GAS7: variants seen among roughly 807,000 people sequenced by gnomAD.
GAS7 encodes growth arrest-specific protein 7.
Under a neutral mutation model 71.1 loss-of-function variants are expected in GAS7, and 28 were observed. The ratio of observed to expected loss-of-function variants is 0.39; its 90% CI spans 0.29 to 0.54. The LOEUF is 0.54. Ranked by LOEUF, GAS7 falls within the 20% of genes least tolerant of loss-of-function variation. The probability of loss-of-function intolerance (pLI) is 0.62; values close to 1 mark genes in which losing one functional copy is unlikely to be tolerated. For synonymous variants in GAS7, 258 were observed against 245.8 expected (o/e 1.05, Z -0.46); for missense variants, 436 against 627.8 (o/e 0.69, Z 3.27).
intron 2 of GAS7, among the ~76,000 whole-genome samples, chr17:9,989,015 A>AT (rs1366305796): frequency 1.3e-5 from 2 of 151,922 alleles, no homozygotes; most frequent in South Asian, 2.1e-4. Flanking sequence ...CGCCCGGCTA[A>AT]TTTTTTTGTA....
chr17:9,954,344 A>C (rs2069139625), intron 5 of GAS7, among the ~76,000 whole-genome samples: 1 of 152,076 alleles, frequency 6.6e-6, no homozygotes, highest in East Asian at 1.9e-4. Context: ...GGGCCACAGA[A>C]GCACCCTGCA....
intron 1 of GAS7, among the ~76,000 whole-genome samples, chr17:10,021,873 G>C (rs1555524888): frequency 6.6e-6 from 1 of 152,200 alleles, no homozygotes; most frequent in Non-Finnish European, 1.5e-5. Context: ...CATGTTGAGA[G>C]AAAGAGAAGT....
At chr17:10,051,543 CAAAGAG>C (rs1451325880) in intron 1 of GAS7, among the ~76,000 whole-genome samples, 1 of 152,068 alleles carries the variant, frequency 6.6e-6, no homozygotes, top group Non-Finnish European at 1.5e-5. Context: ...AGCCATTAGA[CAAAGAG>C]AAAGCTGAAG....
chr17:9,951,760 CAAAAAAAAAAAAAAA>C (rs59048492), intron 5 of GAS7, among the ~76,000 whole-genome samples: 1 of 69,012 alleles, frequency 1.4e-5, no homozygotes, highest in African/African-American at 4.6e-5. Flanking sequence ...AACTCTGTCT[CAAAAAAAAAAAAAAA>C]AAAAAAAAAA....
In GAS7 at chr17:10,198,199, G is replaced by T. The variant is rs748111697; in HGVS notation, c.183+9C>A. 3 of 1,606,262 alleles carry T rather than the reference G, an allele frequency of 1.9e-6. No individual in the cohort carries two copies. Among genetic ancestry groups the T allele is most frequent in the Non-Finnish European group, 1.7e-6 (2 of 1,178,520 alleles). On this transcript the variant is annotated intron_variant, in intron 1 of 13. Coordinates refer to ENST00000432992, the MANE Select transcript of GAS7 (RefSeq NM_201433.2). ...CCCGGCTCCTACAGCCCCGGCCCTCGCCCCTTACCTCCAGCAACTGCACGT... is the reference window on the plus strand; with the variant it reads ...CCCGGCTCCTACAGCCCCGGCCCTCTCCCCTTACCTCCAGCAACTGCACGT...
intron 1 of GAS7, among the ~76,000 whole-genome samples, chr17:10,168,948 C>T (rs568367347): frequency 7.1e-4 from 100 of 140,448 alleles, no homozygotes; most frequent in African/African-American, 2.6e-3. Flanking sequence ...CCAGCGTGGG[C>T]GACAGAGTGA....
chr17:10,174,057 T>G (rs1371852638), intron 1 of GAS7, among the ~76,000 whole-genome samples: 2 of 152,174 alleles, frequency 1.3e-5, no homozygotes, highest in Non-Finnish European at 2.9e-5. Flanking sequence ...GTGAATAACA[T>G]GAGTAAGTGC....
intron 1 of GAS7, among the ~76,000 whole-genome samples, chr17:10,164,787 G>A (rs2074280687): frequency 1.4e-5 from 2 of 147,424 alleles, no homozygotes; most frequent in Admixed American, 1.4e-4. Context: ...GAGTCCAGGA[G>A]TTCAAGACAA....
At chr17:10,180,505 C>T (rs1228654895) in intron 1 of GAS7, among the ~76,000 whole-genome samples, 1 of 152,134 alleles carries the variant, frequency 6.6e-6, no homozygotes, top group Admixed American at 6.5e-5. Flanking sequence ...ACACCCCCAT[C>T]CAAGGAGTCA....
chr17:9,947,921 G>A (rs2068856487), intron 5 of GAS7, among the ~76,000 whole-genome samples: 2 of 151,116 alleles, frequency 1.3e-5, no homozygotes, highest in South Asian at 2.1e-4. Context: ...CTCCTGCTTC[G>A]CCCATTCAAT....
intron 5 of GAS7, among the ~76,000 whole-genome samples, chr17:9,953,639 G>C (rs2069107500): frequency 6.6e-6 from 1 of 152,274 alleles, no homozygotes; most frequent in African/African-American, 2.4e-5. Flanking sequence ...GAAGCTATGT[G>C]ATGGGCTATT....
intron 9 of GAS7, among the ~76,000 whole-genome samples, chr17:9,930,521 C>T (rs1217409842): frequency 3.3e-5 from 5 of 152,360 alleles, no homozygotes; most frequent in African/African-American, 1.2e-4. Context: ...GAATTCTGCT[C>T]TTCTCCCTTC....
At chr17:10,132,378 G>A (rs1198779230) in intron 1 of GAS7, among the ~76,000 whole-genome samples, 1 of 152,044 alleles carries the variant, frequency 6.6e-6, no homozygotes, top group Non-Finnish European at 1.5e-5. Context: ...ACCACCCTAC[G>A]TGCACACCCA....
chr17:10,015,779 A>G (rs913486321), intron 2 of GAS7, among the ~76,000 whole-genome samples: 1 of 152,058 alleles, frequency 6.6e-6, no homozygotes, highest in Non-Finnish European at 1.5e-5. Context: ...TGCCATCAGT[A>G]AGACACTCCC....
chr17:9,918,038 G>A lies in GAS7; in HGVS notation c.1280C>T (p.Thr427Met), dbSNP rs1310076942. 5 of 1,613,702 alleles carry A rather than the reference G, an allele frequency of 3.1e-6. No homozygotes were observed. Among genetic ancestry groups the A allele is most frequent in the East Asian group, 2.2e-5 (1 of 44,878 alleles). The change falls in exon 13 of 14, where the codon ACG (threonine) becomes ATG (methionine). Residue 427 changes from threonine to methionine, a missense_variant. Physicochemically the swap from Thr to Met is moderately conservative, Grantham distance 81 (BLOSUM62 -1). Coordinates refer to ENST00000432992, the MANE Select transcript of GAS7 (RefSeq NM_201433.2). Reference sequence around the variant, plus strand: ...CATGTCTGTTTCATGCCGCAGCTGCGTGTACTGGCACAGGTGCTGCCGGAT... The same window carrying A: ...CATGTCTGTTTCATGCCGCAGCTGCATGTACTGGCACAGGTGCTGCCGGAT... ...EMIRQHLCQY[T>M]QLRHETDMFN...
In GAS7 at chr17:9,990,290, A is replaced by G. The variant is rs1380810832; in HGVS notation, c.305-8406T>C. Among the ~76,000 whole-genome samples, 4 of 152,146 alleles carry G rather than the reference A, an allele frequency of 2.6e-5. No individual in the cohort carries two copies. In the East Asian group the frequency reaches 5.8e-4, roughly 22 times the overall value. On this transcript the variant is annotated intron_variant, in intron 2 of 13. Transcript: ENST00000432992. ...TCTCAAAAAAAAAAGAAAAAAGAAG[A>G]AAGCTCGCCCTACGGATGCTGGCAG...
intron 13 of GAS7, 92 bp downstream of exon 13, chr17:9,917,909 T>C: frequency 1.1e-6 from 1 of 871,546 alleles, no homozygotes; most frequent in African/African-American, 1.7e-5. Context: ...CAGATTCACT[T>C]GCAGCAGCCA....
intron 1 of GAS7, among the ~76,000 whole-genome samples, chr17:10,136,629 G>A (rs1413803731): frequency 2.0e-5 from 3 of 152,172 alleles, no homozygotes; most frequent in African/African-American, 2.4e-5. Flanking sequence ...GTGACCCCTC[G>A]CATCTGTCCG....
chr17:9,936,926 A>G (rs778604097), intron 8 of GAS7, among the ~76,000 whole-genome samples: 1 of 152,226 alleles, frequency 6.6e-6, no homozygotes, highest in Non-Finnish European at 1.5e-5. Context: ...TGGACACAGA[A>G]GTTGAATTGC....
Sources: gnomAD v4.1 joint callset for allele counts (sites outside exome capture counted in the v4.1 genomes callset) on GRCh38, gnomAD v4.1.1 for gene constraint, MANE v1.5 for transcripts, NCBI Gene and HGNC (gene_info 2026-07-23, HGNC 2026-07-21) for gene names.